NAALADL2: variants seen among roughly 807,000 people sequenced by gnomAD.
The protein encoded by NAALADL2 is N-acetylated alpha-linked acidic dipeptidase like 2.
Under a neutral mutation model 87.2 loss-of-function variants are expected in NAALADL2, and 76 were observed. The observed-to-expected ratio is 0.87, with a 90% CI of 0.72 to 1.05. The LOEUF (loss-of-function observed/expected upper bound fraction) is 1.05. Among genes scored for constraint, NAALADL2 ranks in the 50% least tolerant of loss-of-function variants. The pLI is 0.00. For synonymous variants in NAALADL2, 354 were observed against 331.0 expected (o/e 1.07, Z -0.75); for missense variants, 1,089 against 945.8 (o/e 1.15, Z -1.99).
chr3:175,764,948 CT>C (rs754610122), intron 13 of NAALADL2, among the ~76,000 whole-genome samples: 48 of 152,020 alleles, frequency 3.2e-4, no homozygotes, highest in Non-Finnish European at 2.8e-4. Flanking sequence ...ATAATGACTA[CT>C]TTGTTCAGGT....
chr3:174,849,042 A>G (rs553919942), intron 3 of NAALADL2, among the ~76,000 whole-genome samples: 2 of 152,280 alleles, frequency 1.3e-5, no homozygotes, highest in South Asian at 4.1e-4. Flanking sequence ...ATATGATATA[A>G]AAGATTAGAA....
intron 9 of NAALADL2, among the ~76,000 whole-genome samples, chr3:175,534,960 G>T (rs1001735495): frequency 1.3e-4 from 19 of 151,250 alleles, no homozygotes; most frequent in African/African-American, 4.6e-4. Context: ...AGACCTACTT[G>T]TTCAGAAGTC....
intron 3 of NAALADL2, among the ~76,000 whole-genome samples, chr3:174,812,871 G>A (rs1413442096): frequency 6.6e-6 from 1 of 151,722 alleles, no homozygotes; most frequent in Non-Finnish European, 1.5e-5. Context: ...TTTTCATACA[G>A]CTCTACAATA....
chr3:174,629,149 A>G (rs1400118894), intron 2 of NAALADL2, among the ~76,000 whole-genome samples: 1 of 152,204 alleles, frequency 6.6e-6, no homozygotes, highest in Non-Finnish European at 1.5e-5. Flanking sequence ...AGATGAGGCA[A>G]TTACATTATT....
At chr3:174,680,338 T>G (rs768843184) in intron 2 of NAALADL2, among the ~76,000 whole-genome samples, 2 of 152,184 alleles carry the variant, frequency 1.3e-5, no homozygotes, top group Admixed American at 1.3e-4. Flanking sequence ...TCATCGATGT[T>G]GAGTGCTCCC....
intron 3 of NAALADL2, among the ~76,000 whole-genome samples, chr3:174,778,574 C>T (rs2109136895): frequency 6.6e-6 from 1 of 152,038 alleles, no homozygotes; most frequent in East Asian, 1.9e-4. Flanking sequence ...TGGTGGTTTG[C>T]TGCATAAACC....
chr3:174,897,550 C>T (rs191485486), intron 1 of NAALADL2, among the ~76,000 whole-genome samples: 2 of 152,198 alleles, frequency 1.3e-5, no homozygotes, highest in East Asian at 3.9e-4. Context: ...AAACAGGAAC[C>T]CTTGTACATT....
chr3:175,230,048 T>C (rs551283374), intron 2 of NAALADL2, among the ~76,000 whole-genome samples: 1 of 151,996 alleles, frequency 6.6e-6, no homozygotes, highest in African/African-American at 2.4e-5. Flanking sequence ...GCAACTCATA[T>C]ACGACAGAGT....
At chr3:174,742,259 T>C (rs1440085807) in intron 3 of NAALADL2, among the ~76,000 whole-genome samples, 1 of 151,748 alleles carries the variant, frequency 6.6e-6, no homozygotes, top group Non-Finnish European at 1.5e-5. Context: ...TATGCTACCA[T>C]AGTTTTCCTC....
intron 4 of NAALADL2, among the ~76,000 whole-genome samples, chr3:175,309,615 T>C (rs1408613504): frequency 6.6e-6 from 1 of 152,074 alleles, no homozygotes; most frequent in African/African-American, 2.4e-5. Flanking sequence ...CTGTTTTTTT[T>C]TTCAGCTTCC....
intron 2 of NAALADL2, among the ~76,000 whole-genome samples, chr3:174,671,929 GTGA>G (rs57931413): frequency 0.057 from 8,620 of 150,438 alleles, 713 homozygotes; most frequent in African/African-American, 0.18. Context: ...GTTAACTACT[GTGA>G]TGATGATGAT....
At chr3:174,774,350 G>A (rs1040586271) in intron 3 of NAALADL2, among the ~76,000 whole-genome samples, 4 of 152,050 alleles carry the variant, frequency 2.6e-5, no homozygotes, top group African/African-American at 4.8e-5. Context: ...AAATCTGCTG[G>A]CTAACTGCCC....
chr3:175,334,891 C>T (rs1761819371), intron 5 of NAALADL2, among the ~76,000 whole-genome samples: 1 of 152,172 alleles, frequency 6.6e-6, no homozygotes, highest in Non-Finnish European at 1.5e-5. Context: ...CAGACTTGTT[C>T]ACTGGTAGTC....
chr3:174,898,876 G>C (rs2109846854), intron 1 of NAALADL2, among the ~76,000 whole-genome samples: 1 of 152,280 alleles, frequency 6.6e-6, no homozygotes, highest in African/African-American at 2.4e-5. Flanking sequence ...GAGCACAGAG[G>C]ATGGGCTTCC....
chr3:175,377,794 C>T (rs1176063155), intron 5 of NAALADL2, among the ~76,000 whole-genome samples: 1 of 152,176 alleles, frequency 6.6e-6, no homozygotes, highest in Non-Finnish European at 1.5e-5. Flanking sequence ...AAAGAAGCAG[C>T]TTGACTTCAG....
chr3:175,749,028 G>A (rs1368484756), intron 12 of NAALADL2, among the ~76,000 whole-genome samples: 1 of 150,816 alleles, frequency 6.6e-6, no homozygotes, highest in Non-Finnish European at 1.5e-5. Flanking sequence ...GATCTCTTGA[G>A]CTCAGGAGGT....
chr3:175,519,547 C>A (rs559434809), intron 9 of NAALADL2, among the ~76,000 whole-genome samples: 1 of 152,100 alleles, frequency 6.6e-6, no homozygotes, highest in Admixed American at 6.5e-5. Context: ...CAGACTTGAA[C>A]ACATAAAACA....
chr3:175,416,698 C>T (rs973628659), intron 5 of NAALADL2, among the ~76,000 whole-genome samples: 6 of 152,042 alleles, frequency 3.9e-5, no homozygotes, highest in East Asian at 3.9e-4. Flanking sequence ...TTGTCACTAG[C>T]GTGTAAACTT....
At chr3:174,830,343 A>G (rs1722524217) in intron 3 of NAALADL2, among the ~76,000 whole-genome samples, 1 of 152,074 alleles carries the variant, frequency 6.6e-6, no homozygotes, top group South Asian at 2.1e-4. Flanking sequence ...ATGGCTAGCC[A>G]GTTTTCCCAG....
Sources: allele counts gnomAD v4.1 joint callset (sites outside exome capture counted in the v4.1 genomes callset), GRCh38; gene constraint gnomAD v4.1.1; transcripts MANE v1.5; gene names NCBI Gene and HGNC (gene_info 2026-07-23, HGNC 2026-07-21).